The following SOX6 variants were observed in gnomAD, a reference collection of about 807,000 sequenced individuals.
SOX6 encodes SRY-box transcription factor 6, also known as transcription factor SOX-6.
SOX6 carries 11 observed loss-of-function variants against 97.8 expected under a neutral mutation model. The observed-to-expected ratio is 0.11, with a 90% confidence interval of 0.07 to 0.19. The LOEUF (loss-of-function observed/expected upper bound fraction) is 0.19, where lower values mean the gene tolerates loss of function less well. Among genes scored for constraint, SOX6 ranks in the 10% least tolerant of loss-of-function variants. SOX6 has a pLI of 1.00. For missense variants in SOX6, 810 were observed against 1,039.5 expected, an observed-to-expected ratio of 0.78 and a Z score of 3.04; for synonymous variants, 360 against 371.4, an observed-to-expected ratio of 0.97 and a Z score of 0.35.
intron 4 of SOX6, among the ~76,000 whole-genome samples, chr11:16,508,390 G>C (rs1860823389): frequency 6.6e-6 from 1 of 152,126 alleles, no homozygotes; most frequent in Non-Finnish European, 1.5e-5. Flanking sequence ...ATATCAAAGA[G>C]ATACCTACAC....
At chr11:16,628,878 A>G (rs191484413) in intron 3 of SOX6, among the ~76,000 whole-genome samples, 63 of 151,942 alleles carry the variant, frequency 4.1e-4, no homozygotes, top group Admixed American at 1.2e-3. Context: ...GGATATGACT[A>G]CTGTAAGTGG....
Position 16,572,560 on chromosome 11 carries a change from T to C in SOX6, n.609+39521A>G, listed in dbSNP as rs149782182. 4.7e-3 allele frequency among the ~76,000 whole-genome samples: 713 copies of C among 152,304 alleles called. 6 individuals are homozygous for C. The Middle Eastern group carries it at 0.061, about 13-fold the overall frequency. ...GTCAGCTGTATTTATACTACTACAA[T>C]GTAAAATTAAGCCTTTTCAGTTGCA... On this transcript the variant is annotated intron_variant and non_coding_transcript_variant, in intron 4 of 5. Coordinates refer to the SOX6 transcript ENST00000524520.
chr11:16,055,855 G>T lies in SOX6; in HGVS notation c.1148C>A (p.Ala383Glu), dbSNP rs772094218. The T allele has an allele frequency of 1.9e-6, 3 of 1,613,648 alleles. No homozygotes were observed. The Admixed American group carries it at 5.0e-5, about 27-fold the overall frequency. ...QLASMQVSPG[A>E]KMPSTPQPPN... is the part of the protein sequence containing the mutation. ...TGGCTGTGGAGTTGATGGCATCTTT[G>T]CTCCAGGTGACACCTGCATGCTGGC... Residue 383 changes from alanine (A) to glutamate (E), a missense_variant, in exon 10 of 16, where the codon GCA becomes GAA. Physicochemically the swap from Ala to Glu is moderately radical, Grantham distance 107. Around this residue, in one of 9 missense-constraint regions of SOX6, gnomAD observed 244 missense variants for 261.0 expected, o/e 0.93. Transcript: ENST00000683767.
chr11:16,729,850 G>T (rs1273144299), intron 2 of SOX6, among the ~76,000 whole-genome samples: 1 of 151,888 alleles, frequency 6.6e-6, no homozygotes, highest in Non-Finnish European at 1.5e-5. Context: ...ACACACATAG[G>T]CTCAAAATAA....
At chr11:16,681,741 A>G (rs1847929736) in intron 3 of SOX6, among the ~76,000 whole-genome samples, 1 of 152,214 alleles carries the variant, frequency 6.6e-6, no homozygotes, top group African/African-American at 2.4e-5. Flanking sequence ...GAAAAGAGAG[A>G]AGAATCAAAT....
chr11:15,994,947 T>C (rs1468678402), intron 13 of SOX6, among the ~76,000 whole-genome samples: 4 of 152,184 alleles, frequency 2.6e-5, no homozygotes, highest in Non-Finnish European at 5.9e-5. Context: ...GGCATTTTAC[T>C]AAATGAAATT....
chr11:16,629,443 AC>A (rs540490671), intron 3 of SOX6, among the ~76,000 whole-genome samples: 1 of 152,152 alleles, frequency 6.6e-6, no homozygotes, highest in African/African-American at 2.4e-5. Flanking sequence ...GAGAAATGAA[AC>A]CTTTTTATCG....
At chr11:15,974,847 C>G (rs1018341149) in intron 15 of SOX6, among the ~76,000 whole-genome samples, 8 of 152,140 alleles carry the variant, frequency 5.3e-5, no homozygotes, top group African/African-American at 1.9e-4. Context: ...TCAGGTATAC[C>G]AACTCACCCA....
intron 3 of SOX6, among the ~76,000 whole-genome samples, chr11:16,612,584 G>A (rs1848411037): frequency 6.6e-6 from 1 of 150,870 alleles, no homozygotes; most frequent in African/African-American, 2.4e-5. Context: ...AGGCGGGGGG[G>A]CGGGGTTGGG....
In SOX6 at chr11:16,097,768, T is replaced by C. The variant is rs1848836807; in HGVS notation, c.899-80A>G. On this transcript the variant is annotated intron_variant, in intron 7 of 15. Coordinates refer to ENST00000683767, the MANE Select transcript of SOX6 (RefSeq NM_001367873.1). ...GACAAGTACAAACATGGTCCTTGGA[T>C]TGCCTGAGCTTTACAACATTGCTCT... 4 of 1,283,664 alleles carry C rather than the reference T, an allele frequency of 3.1e-6. No homozygotes were observed. In the South Asian group the frequency reaches 4.8e-5, roughly 15 times the overall value. 79.5% of individuals were successfully genotyped at this position (1,283,664 alleles called of 1,614,324 possible). A position where few individuals can be genotyped will look rare whatever the true frequency, so the allele number is the denominator to read the frequency against.
chr11:16,350,503 A>G (rs967112504), intron 1 of SOX6, among the ~76,000 whole-genome samples: 12 of 152,330 alleles, frequency 7.9e-5, no homozygotes, highest in African/African-American at 2.9e-4. Context: ...TTATAAGCTC[A>G]GCACAATAAA....
chr11:16,006,249 C>T (rs763194141), intron 13 of SOX6, among the ~76,000 whole-genome samples: 1 of 152,054 alleles, frequency 6.6e-6, no homozygotes, highest in Non-Finnish European at 1.5e-5. Context: ...AACAACCTAA[C>T]TACTGCATTT....
chr11:16,640,649 G>A (rs932990967), intron 3 of SOX6, among the ~76,000 whole-genome samples: 2 of 152,168 alleles, frequency 1.3e-5, no homozygotes, highest in Non-Finnish European at 2.9e-5. Context: ...GAGGGCGTAT[G>A]TGTCGAGGAA....
chr11:16,687,801 G>T (rs989638948), intron 3 of SOX6, among the ~76,000 whole-genome samples: 1 of 152,154 alleles, frequency 6.6e-6, no homozygotes, highest in African/African-American at 2.4e-5. Flanking sequence ...TAAAGTGCTA[G>T]TGTAACAGGC....
rs74741765 is a variant in SOX6 at position 16,298,771 on chromosome 11, G to A, written c.445+19675C>T. The stretch of plus-strand genomic sequence containing the variant: ...TGGAACACTTATGTTCTTATTATTC[G>A]TTTTGGCATCACTGTAAATATTTAG... On this transcript the variant is annotated intron_variant, in intron 3 of 15. Transcript: ENST00000683767. Among the ~76,000 whole-genome samples the A allele has an allele frequency of 1.3e-3, 203 of 151,664 alleles. 2 individuals carry two copies. The highest frequency in any genetic ancestry group is 4.5e-3 in the African/African-American group (188 of 41,368).
intron 3 of SOX6, among the ~76,000 whole-genome samples, chr11:16,236,331 C>T (rs1313552367): frequency 6.6e-6 from 1 of 151,846 alleles, no homozygotes; most frequent in East Asian, 1.9e-4. Flanking sequence ...TGTTTTTATG[C>T]TAAAGTCATA....
chr11:16,641,628 TC>T (rs763120653), intron 3 of SOX6, among the ~76,000 whole-genome samples: 1 of 152,260 alleles, frequency 6.6e-6, no homozygotes, highest in Non-Finnish European at 1.5e-5. Flanking sequence ...AGTTAGCTCT[TC>T]TTGTTGAATT....
intron 1 of SOX6, among the ~76,000 whole-genome samples, chr11:16,446,253 G>A (rs763872705): frequency 7.9e-5 from 12 of 151,806 alleles, no homozygotes; most frequent in Non-Finnish European, 1.5e-4. Flanking sequence ...AAAAAGAGAG[G>A]AAAGAAAGGA....
chr11:16,140,949 G>T (rs1850118578), intron 6 of SOX6, among the ~76,000 whole-genome samples: 1 of 152,056 alleles, frequency 6.6e-6, no homozygotes, highest in African/African-American at 2.4e-5. Context: ...GGAGGCCAAG[G>T]CATGCAGACC....
Sources: allele counts gnomAD v4.1 joint callset (sites outside exome capture counted in the v4.1 genomes callset), GRCh38; gene constraint gnomAD v4.1.1; regional missense constraint gnomAD v4.1.1; transcripts MANE v1.5; gene names NCBI Gene and HGNC (gene_info 2026-07-23, HGNC 2026-07-21).